The following GOT1L1 variants were observed in gnomAD, a reference collection of about 807,000 sequenced individuals.
GOT1L1 encodes glutamic-oxaloacetic transaminase 1 like 1, also known as aspartate aminotransferase, cytoplasmic 2.
GOT1L1 carries 38 observed loss-of-function variants against 43.6 expected under a neutral mutation model. The observed-to-expected ratio is 0.87, with a 90% CI of 0.67 to 1.14. The LOEUF (loss-of-function observed/expected upper bound fraction) is 1.14, where lower values mean the gene tolerates loss of function less well. Among genes scored for constraint, GOT1L1 ranks in the 50% most tolerant of loss-of-function variants. The pLI, the probability that GOT1L1 is intolerant of heterozygous loss-of-function variation, is 0.00. For synonymous variants in GOT1L1, 183 were observed against 187.2 expected (o/e 0.98, Z 0.18); for missense variants, 482 against 504.0 (o/e 0.96, Z 0.42).
At position 37,935,113 on chromosome 8, in the gene GOT1L1, G is replaced by T. The variant is rs1012951853; in HGVS notation, c.1032C>A (p.Ile344=). 1 of 1,613,852 alleles carries T rather than the reference G, an allele frequency of 6.2e-7. No individual in the cohort carries two copies. Residue 344 remains isoleucine, a synonymous_variant, in exon 8 of 9, where the codon ATC becomes ATA. Transcript: ENST00000307599. ...AGCCGTGGGTCCCACTCTGCTCGGT[G>T]ATGTGACCCCAGGACCCAGGGGTTC... ...LLGTPGSWGH[I]TEQSGTHGYL...
Position 37,935,762 on chromosome 8 carries a change from TGGG to T in GOT1L1, c.868_870del (p.Pro290del). ...GAGGTGATGACACGTGCACCCGTGT[TGGG>T]GGGGTTTAGCCACAGGGCCTGGGCT... On this transcript the variant is annotated inframe_deletion, in exon 7 of 9. Coordinates refer to ENST00000307599, the MANE Select transcript of GOT1L1 (RefSeq NM_152413.3). 2 of 1,611,872 alleles carry T rather than the reference TGGG, an allele frequency of 1.2e-6. No homozygotes were observed. Among genetic ancestry groups the T allele is most frequent in the Non-Finnish European group, 1.7e-6 (2 of 1,178,982 alleles).
chr8:37,934,286 G>T lies in GOT1L1; in HGVS notation c.*7C>A. The T allele has an allele frequency of 6.2e-7, 1 of 1,602,522 alleles. No homozygotes were observed. Among genetic ancestry groups the T allele is most frequent in the Non-Finnish European group, 8.5e-7 (1 of 1,171,484 alleles). On this transcript the variant is annotated 3_prime_UTR_variant, in exon 9 of 9. Transcript: ENST00000307599. ...AATGAATAATCAGCACAAGATTTTT[G>T]CAAAGACTAAAGTTTTATTCCAATC...
chr8:37,937,235 AAGTC>A, intron 4 of GOT1L1, 38 bp downstream of exon 4: 1 of 1,340,254 alleles, frequency 7.5e-7, no homozygotes, highest in Non-Finnish European at 1.0e-6. Context: ...ATTAGGCTGT[AAGTC>A]AGCTCTAGGG....
At position 37,937,667 on chromosome 8, in the gene GOT1L1, C is replaced by T. The variant is rs112805396; in HGVS notation, c.380G>A (p.Arg127His). Reference protein sequence around the residue: ...QFLRAWHKDARIVYIISSQKE... With the variant: ...QFLRAWHKDAHIVYIISSQKE... The stretch of plus-strand genomic sequence containing the variant: ...TTGAGAAGAGATGATGTAAACTATA[C>T]GAGCATCCTTATGCCAAGCTCTGAG... Residue 127 changes from arginine to histidine, a missense_variant, in exon 3 of 9, where the codon CGT (arginine) becomes CAT (histidine). Physicochemically the swap from Arg to His is conservative, Grantham distance 29. Coordinates refer to ENST00000307599, the MANE Select transcript of GOT1L1 (RefSeq NM_152413.3). 1.0e-3 allele frequency: 1,674 copies of T among 1,611,830 alleles called. 10 individuals are homozygous for T. In the African/African-American group the frequency reaches 0.02, roughly 20 times the overall value.
chr8:37,939,794 A>G (rs1252631259), intron 1 of GOT1L1, 121 bp downstream of exon 1: 3 of 945,930 alleles, frequency 3.2e-6, no homozygotes, highest in South Asian at 3.4e-5. Context: ...GTTAACAAGA[A>G]AAGATCTCTC....
At chr8:37,939,621 A>C (rs1807872558) in intron 1 of GOT1L1, among the ~76,000 whole-genome samples, 1 of 151,230 alleles carries the variant, frequency 6.6e-6, no homozygotes, top group African/African-American at 2.4e-5. Flanking sequence ...GAGAGAGAGG[A>C]GGTAAGAATC....
chr8:37,936,309 A>G (rs1362097120), intron 6 of GOT1L1, among the ~76,000 whole-genome samples: 1 of 148,852 alleles, frequency 6.7e-6, no homozygotes, highest in Non-Finnish European at 1.5e-5. Context: ...ACCATGCCCG[A>G]CTAATTTTTT....
intron 2 of GOT1L1, among the ~76,000 whole-genome samples, chr8:37,938,496 G>T (rs1299241511): frequency 6.6e-6 from 1 of 152,184 alleles, no homozygotes; most frequent in Non-Finnish European, 1.5e-5. Flanking sequence ...TTTCAAATCA[G>T]CAGTGTGAGC....
At position 37,939,428 on chromosome 8, in the gene GOT1L1, AAAAATATATATATATATATATATATATAT is replaced by A. The variant is rs1275265592; in HGVS notation, c.115+458_115+486del. 1.1e-4 allele frequency among the ~76,000 whole-genome samples: 6 copies of A among 55,260 alleles called. 1 individual carries two copies. In the South Asian group the frequency reaches 2.9e-3, roughly 27 times the overall value. The allele number at this position is 55,260 out of a possible 152,430, so 36.3% of individuals were successfully genotyped here. A position where few individuals can be genotyped will look rare whatever the true frequency, so the allele number is the denominator to read the frequency against. ...GGCCCTGTCTCAAGAAAAAAAAAAA[AAAAATATATATATATATATATATATATAT>A]ATATATATATATATATGCAAAATGA... On this transcript the variant is annotated intron_variant, in intron 1 of 8. Transcript: ENST00000307599.
chr8:37,935,905 C>T (rs780477441), intron 6 of GOT1L1, 36 bp from the exon 7 acceptor site: 1 of 1,596,988 alleles, frequency 6.3e-7, no homozygotes, highest in African/African-American at 1.4e-5. Context: ...GCCTCAGCCC[C>T]TTCCTCCACT....
chr8:37,937,236 AG>A, intron 4 of GOT1L1, 40 bp downstream of exon 4: 1 of 1,342,520 alleles, frequency 7.4e-7, no homozygotes, highest in Non-Finnish European at 1.0e-6. Flanking sequence ...TTAGGCTGTA[AG>A]TCAGCTCTAG....
chr8:37,939,755 A>T (rs1019788315), intron 1 of GOT1L1, among the ~76,000 whole-genome samples, 160 bp downstream of exon 1: 3 of 152,040 alleles, frequency 2.0e-5, no homozygotes, highest in Admixed American at 6.6e-5. Context: ...CTGGGACCTT[A>T]TCTGCACTTT....
At position 37,936,722 on chromosome 8, in the gene GOT1L1, T is replaced by C. The variant is rs754302269; in HGVS notation, c.761A>G (p.Tyr254Cys). ...SQSLSKNFGI[Y>C]DEGVGMLVVV... is the part of the protein sequence containing the mutation. Reference sequence around the variant, plus strand: ...CCCTTCTTCTGCCTGTACCATACCATAAATGCCAAAATTCTTGGACAGAGA... The same window carrying C: ...CCCTTCTTCTGCCTGTACCATACCACAAATGCCAAAATTCTTGGACAGAGA... Residue 254 changes from tyrosine (Y) to cysteine (C), a missense_variant and splice_region_variant, in exon 6 of 9, where the codon TAT becomes TGT. Tyr to Cys is a radical substitution (Grantham distance 194). Coordinates refer to ENST00000307599, the MANE Select transcript of GOT1L1 (RefSeq NM_152413.3). 3.7e-6 allele frequency: 6 copies of C among 1,609,448 alleles called. No homozygotes were observed. The highest frequency in any genetic ancestry group is 2.7e-5 in the African/African-American group (2 of 74,798).
Position 37,938,843 on chromosome 8 carries a change from C to G in GOT1L1, c.154G>C (p.Val52Leu), listed in dbSNP as rs766948706. 1 of 1,613,698 alleles carries G rather than the reference C, an allele frequency of 6.2e-7. No homozygotes were observed. Among genetic ancestry groups the G allele is most frequent in the South Asian group, 1.1e-5 (1 of 91,064 alleles). Residue 52 changes from valine to leucine, a missense_variant, in exon 2 of 9, where the codon GTG becomes CTG. Physicochemically the swap from Val to Leu is conservative, Grantham distance 32 (BLOSUM62 1). Coordinates refer to ENST00000307599, the MANE Select transcript of GOT1L1 (RefSeq NM_152413.3). ...TNEGHPWVSL[V>L]VQKTRLQISQ... Reference sequence around the variant, plus strand: ...ATCTGTAGTCGAGTCTTCTGCACCACGAGAGAAACCCAGGGATGGCCTTCA... The same window carrying G: ...ATCTGTAGTCGAGTCTTCTGCACCAGGAGAGAAACCCAGGGATGGCCTTCA...
chr8:37,939,832 T>C (rs1807878608), intron 1 of GOT1L1, 83 bp downstream of exon 1: 7 of 1,324,074 alleles, frequency 5.3e-6, no homozygotes, highest in East Asian at 2.6e-5. Context: ...GCTGCACCCC[T>C]CCCCCTGCAG....
At position 37,937,604 on chromosome 8, in the gene GOT1L1, G is replaced by T. The variant is rs802164; in HGVS notation, c.409+34C>A. ...GTGAGGATTAGGAACAAGGGACGGG[G>T]ATTGCTGTTCCCCTCATCTTGGGTA... On this transcript the variant is annotated intron_variant, in intron 3 of 8. Transcript: ENST00000307599. 2.0e-4 allele frequency: 277 copies of T among 1,407,696 alleles called. 1 individual carries two copies. The African/African-American group carries it at 3.4e-3, about 18-fold the overall frequency. The allele number at this position is 1,407,696 out of a possible 1,614,324, so 87.2% of individuals were successfully genotyped here.
At position 37,935,768 on chromosome 8, in the gene GOT1L1, G is replaced by T. The variant is rs202216080; in HGVS notation, c.865C>A (p.Pro289Thr). ...EGLAQALWLN[P>T]PNTGARVITS... The stretch of plus-strand genomic sequence containing the variant: ...ATGACACGTGCACCCGTGTTGGGGG[G>T]GTTTAGCCACAGGGCCTGGGCTAAT... The change falls in exon 7 of 9, where the codon CCC becomes ACC. Residue 289 changes from proline (P) to threonine (T), a missense_variant. Transcript: ENST00000307599. 8.1e-5 allele frequency: 130 copies of T among 1,611,898 alleles called. No homozygotes were observed. Among genetic ancestry groups the T allele is most frequent in the South Asian group, 1.9e-4 (17 of 90,714 alleles).
rs1330662610 is a variant in GOT1L1, at chr8:37,936,717, T to C, written c.763+3A>G. 2 of 1,609,214 alleles carry C rather than the reference T, an allele frequency of 1.2e-6. No individual in the cohort carries two copies. The highest frequency in any genetic ancestry group is 2.2e-5 in the South Asian group (2 of 90,876). Reference sequence around the variant, plus strand: ...ACCCTCCCTTCTTCTGCCTGTACCATACCATAAATGCCAAAATTCTTGGAC... The same window carrying C: ...ACCCTCCCTTCTTCTGCCTGTACCACACCATAAATGCCAAAATTCTTGGAC... On this transcript the variant is annotated splice_donor_region_variant and intron_variant, in intron 6 of 8. Coordinates refer to ENST00000307599, the MANE Select transcript of GOT1L1 (RefSeq NM_152413.3).
Position 37,934,362 on chromosome 8 carries a change from G to A in GOT1L1, c.1197C>T (p.Val399=), listed in dbSNP as rs745726822. The A allele has an allele frequency of 2.5e-6, 4 of 1,613,520 alleles. No homozygotes were observed. Among genetic ancestry groups the A allele is most frequent in the Non-Finnish European group, 2.5e-6 (3 of 1,179,626 alleles). The change falls in exon 9 of 9, where the codon GTC becomes GTT. Residue 399 remains valine, a synonymous_variant. Coordinates refer to ENST00000307599, the MANE Select transcript of GOT1L1 (RefSeq NM_152413.3). ...ACATCTCTGAGCTCTCTGTGAGGAG[G>A]ACAGCCTCATTGATGCCCTCAGTGA... is the stretch of plus-strand genomic sequence containing the variant. ...NYITEGINEA[V]LLTESSEMCL...
Sources: gnomAD v4.1 joint callset for allele counts (sites outside exome capture counted in the v4.1 genomes callset) on GRCh38, gnomAD v4.1.1 for gene constraint, MANE v1.5 for transcripts, NCBI Gene and HGNC (gene_info 2026-07-23, HGNC 2026-07-21) for gene names.